The following BCL7C variants were observed in gnomAD, a reference collection of about 807,000 sequenced individuals.
The protein encoded by BCL7C is B-cell CLL/lymphoma 7 protein family member C.
BCL7C carries 8 observed loss-of-function variants against 26.2 expected under a neutral mutation model. The observed-to-expected ratio is 0.30, with a 90% CI of 0.18 to 0.55. BCL7C has a LOEUF of 0.55. BCL7C is among the 20% of genes least tolerant of loss of function. The probability of loss-of-function intolerance (pLI) is 0.93; values close to 1 mark genes in which losing one functional copy is unlikely to be tolerated. For synonymous variants in BCL7C, 90 were observed against 116.5 expected (o/e 0.77, Z 1.47); for missense variants, 262 against 298.5 (o/e 0.88, Z 0.90).
chr16:30,892,307 A>G (rs2055257548), intron 4 of BCL7C, among the ~76,000 whole-genome samples: 2 of 147,678 alleles, frequency 1.4e-5, no homozygotes, highest in African/African-American at 4.9e-5. Context: ...AAAAGGATCA[A>G]TATGGGCCCA....
chr16:30,857,972 C>CAAAA (rs58563705), intron 5 of BCL7C, among the ~76,000 whole-genome samples: 1 of 116,000 alleles, frequency 8.6e-6, no homozygotes, highest in Admixed American at 8.8e-5. Context: ...ACTCCAACTC[C>CAAAA]AAAAAAAAAA....
chr16:30,835,218 T>C (rs778023325), intron 5 of BCL7C: 10 of 1,353,636 alleles, frequency 7.4e-6, no homozygotes, highest in Admixed American at 6.4e-5. Flanking sequence ...TCCACCAACT[T>C]GTCCCATTTA....
At chr16:30,852,822 T>C (rs1285192932) in intron 5 of BCL7C, among the ~76,000 whole-genome samples, 3 of 152,064 alleles carry the variant, frequency 2.0e-5, no homozygotes, top group East Asian at 3.9e-4. Context: ...CTTACTCTTT[T>C]GTCAATAAGC....
At chr16:30,845,719 T>A (rs1310054934) in intron 5 of BCL7C, among the ~76,000 whole-genome samples, 1 of 152,108 alleles carries the variant, frequency 6.6e-6, no homozygotes, top group Non-Finnish European at 1.5e-5. Context: ...GCATTCTTTT[T>A]TTTTTTTTCT....
At chr16:30,861,175 T>G (rs964990792) in intron 5 of BCL7C, among the ~76,000 whole-genome samples, 3 of 152,060 alleles carry the variant, frequency 2.0e-5, no homozygotes, top group African/African-American at 7.2e-5. Flanking sequence ...CTACCGCCCT[T>G]TACTCGACAT....
intron 5 of BCL7C, among the ~76,000 whole-genome samples, chr16:30,864,935 G>A (rs1214907300): frequency 1.3e-5 from 2 of 148,638 alleles, no homozygotes; most frequent in South Asian, 2.1e-4. Context: ...TTGGGAGGCC[G>A]AGGTTGGCGG....
intron 5 of BCL7C, among the ~76,000 whole-genome samples, chr16:30,836,345 G>A (rs1158805399): frequency 1.3e-5 from 2 of 152,150 alleles, no homozygotes; most frequent in Non-Finnish European, 2.9e-5. Flanking sequence ...GCATGTGCCT[G>A]TAGTCCCAGC....
At chr16:30,873,179 C>T (rs567013846) in intron 5 of BCL7C, among the ~76,000 whole-genome samples, 40 of 152,288 alleles carry the variant, frequency 2.6e-4, no homozygotes, top group African/African-American at 7.9e-4. Context: ...CAAAACAATG[C>T]TGTTCAGTTC....
intron 5 of BCL7C, among the ~76,000 whole-genome samples, chr16:30,836,146 T>C (rs113269183): frequency 0.032 from 4,887 of 152,102 alleles, 243 homozygotes; most frequent in African/African-American, 0.11. Flanking sequence ...CCCAGCTACT[T>C]GGGATGCTGA....
At chr16:30,851,321 A>G (rs2054672775) in intron 5 of BCL7C, 1 of 198,748 alleles carries the variant, frequency 5.0e-6, no homozygotes, top group African/African-American at 2.4e-5. Context: ...GCTCATCGCA[A>G]CCTCCACCTT....
intron 5 of BCL7C, 93 bp from the exon 6 acceptor site, chr16:30,888,083 C>T: frequency 2.2e-6 from 3 of 1,364,468 alleles, no homozygotes; most frequent in South Asian, 2.8e-5. Flanking sequence ...ACTCCCCTCC[C>T]CTCCTGGGCC....
intron 5 of BCL7C, chr16:30,875,620 C>T (rs2054939144): frequency 6.6e-6 from 1 of 152,244 alleles, no homozygotes; most frequent in Non-Finnish European, 1.5e-5. Flanking sequence ...GTGCCCTCAC[C>T]AGATCTTAAG....
chr16:30,859,964 C>T (rs969831446), intron 5 of BCL7C, among the ~76,000 whole-genome samples: 4 of 152,244 alleles, frequency 2.6e-5, no homozygotes, highest in Admixed American at 6.5e-5. Flanking sequence ...GATCCACCTA[C>T]GACCTTGGGT....
downstream of BCL7C, among the ~76,000 whole-genome samples, chr16:30,884,833 C>T (rs762277683): frequency 6.6e-6 from 1 of 152,152 alleles, no homozygotes; most frequent in Non-Finnish European, 1.5e-5. Flanking sequence ...AACAGATGCA[C>T]AGAAAGGTTC....
chr16:30,890,018 C>A (rs1402623903), intron 4 of BCL7C, among the ~76,000 whole-genome samples: 1 of 151,614 alleles, frequency 6.6e-6, no homozygotes, highest in Non-Finnish European at 1.5e-5. Context: ...CAGCTGGAAC[C>A]AAAAACGGGT....
At chr16:30,869,693 T>C (rs2054866407) in intron 5 of BCL7C, among the ~76,000 whole-genome samples, 1 of 151,696 alleles carries the variant, frequency 6.6e-6, no homozygotes, top group Non-Finnish European at 1.5e-5. Context: ...TTTTATTTTT[T>C]GTAGAGATGG....
chr16:30,841,645 C>T (rs756922199), intron 5 of BCL7C, among the ~76,000 whole-genome samples: 7 of 152,040 alleles, frequency 4.6e-5, no homozygotes, highest in Non-Finnish European at 7.4e-5. Context: ...CCAATAAATA[C>T]AGAGGGCTGT....
rs1233579834 is a variant in BCL7C at position 30,834,699 on chromosome 16, C to G, written c.*249G>C. On this transcript the variant is annotated 3_prime_UTR_variant, in exon 6 of 6. Coordinates refer to the BCL7C transcript ENST00000380317. This position sits in a 1 kb window ranked among gnomAD's most constrained non-coding sequence, Gnocchi z 4.3. ...GTGCACCCCTCCCCTAGGCCTCTAG[C>G]AAGGCGGCCTCAGGCACTGGATGTG... is the stretch of plus-strand genomic sequence containing the variant. 2.6e-6 allele frequency: 1 copy of G among 386,852 alleles called. No homozygotes were observed. The highest frequency in any genetic ancestry group is 4.7e-6 in the Non-Finnish European group (1 of 214,438). 24.0% of individuals were successfully genotyped at this position (386,852 alleles called of 1,614,324 possible).
chr16:30,851,716 C>A, intron 5 of BCL7C: 1 of 697,230 alleles, frequency 1.4e-6, no homozygotes, highest in South Asian at 1.7e-5. Flanking sequence ...TGCAGTGGAT[C>A]AGACCAGCAG....
Sources: gnomAD v4.1 joint callset for allele counts (sites outside exome capture counted in the v4.1 genomes callset) on GRCh38, gnomAD v4.1.1 for gene constraint, Gnocchi (gnomAD v3.1) non-coding constraint, MANE v1.5 for transcripts, NCBI Gene and HGNC (gene_info 2026-07-23, HGNC 2026-07-21) for gene names.